MLLT10: variants seen among roughly 807,000 people sequenced by gnomAD.
The protein encoded by MLLT10 is MLLT10 histone lysine methyltransferase DOT1L cofactor, also known as protein AF-10.
A neutral mutation model predicts 129.1 loss-of-function variants in MLLT10; 30 were observed. That is an observed-to-expected ratio of 0.23 (90% CI 0.17 to 0.32). MLLT10 has a LOEUF of 0.32. MLLT10 is among the 10% of genes least tolerant of loss of function. The pLI is 1.00. For missense variants in MLLT10, 1,119 were observed against 1,268.3 expected (o/e 0.88, Z 1.79); for synonymous variants, 490 against 446.4 (o/e 1.10, Z -1.23).
chr10:21,585,582 A>ACGGCAGT (rs1401066035), intron 3 of MLLT10, among the ~76,000 whole-genome samples: 1 of 152,210 alleles, frequency 6.6e-6, no homozygotes, highest in East Asian at 1.9e-4. Flanking sequence ...GACCTACTTG[A>ACGGCAGT]CGGCAGTCGT....
intron 22 of MLLT10, among the ~76,000 whole-genome samples, chr10:21,741,636 G>T (rs1159588698): frequency 6.6e-6 from 1 of 152,162 alleles, no homozygotes; most frequent in Non-Finnish European, 1.5e-5. Flanking sequence ...ATTCTCTACA[G>T]TACCATGTTA....
intron 11 of MLLT10, among the ~76,000 whole-genome samples, chr10:21,678,095 G>GCTTTT (rs202146373): frequency 2.3e-3 from 343 of 152,048 alleles, no homozygotes; most frequent in African/African-American, 5.5e-3. Flanking sequence ...TATTTGTAAA[G>GCTTTT]CTTTTCTTTT....
chr10:21,679,471 G>C (rs1168077097), intron 11 of MLLT10, among the ~76,000 whole-genome samples: 1 of 152,132 alleles, frequency 6.6e-6, no homozygotes, highest in Non-Finnish European at 1.5e-5. Flanking sequence ...TCTGAGAAAA[G>C]TCTGATATTC....
intron 2 of MLLT10, among the ~76,000 whole-genome samples, chr10:21,535,904 T>C (rs2033892088): frequency 1.3e-5 from 2 of 152,254 alleles, no homozygotes; most frequent in South Asian, 4.1e-4. Context: ...GTGTACTTAC[T>C]CTGAGAATGC....
chr10:21,558,556 T>G (rs1393794945), intron 3 of MLLT10, among the ~76,000 whole-genome samples: 1 of 151,954 alleles, frequency 6.6e-6, no homozygotes, highest in Non-Finnish European at 1.5e-5. Flanking sequence ...TTTTTAATTT[T>G]TAATTAAAGA....
chr10:21,604,626 A>G (rs1331606684), intron 5 of MLLT10, among the ~76,000 whole-genome samples: 2 of 152,206 alleles, frequency 1.3e-5, no homozygotes, highest in African/African-American at 4.8e-5. Flanking sequence ...AAGCTGTGAT[A>G]CATAGAAAAC....
At chr10:21,595,548 G>A in intron 5 of MLLT10, 108 bp downstream of exon 5, 14 of 802,274 alleles carry the variant, frequency 1.7e-5, no homozygotes, top group East Asian at 8.2e-5. Context: ...AGGGAGATTT[G>A]GAAAAAAAAT....
At chr10:21,661,576 T>G (rs2050208401) in intron 9 of MLLT10, 1 of 152,240 alleles carries the variant, frequency 6.6e-6, no homozygotes, top group Non-Finnish European at 1.5e-5. Flanking sequence ...GTATTTCTGC[T>G]TTTTGAAAAT....
intron 13 of MLLT10, among the ~76,000 whole-genome samples, chr10:21,701,915 C>T (rs1347413331): frequency 2.0e-5 from 3 of 147,402 alleles, no homozygotes; most frequent in South Asian, 2.2e-4. Context: ...CTTCTCTTCT[C>T]GTCTCGTCTC....
chr10:21,594,617 A>C (rs2042857663), intron 4 of MLLT10, among the ~76,000 whole-genome samples: 1 of 150,350 alleles, frequency 6.7e-6, no homozygotes, highest in East Asian at 2.0e-4. Context: ...GAAATAGGCA[A>C]ATGTTCCCTG....
chr10:21,556,450 T>G (rs1191001128), intron 3 of MLLT10, among the ~76,000 whole-genome samples: 1 of 152,184 alleles, frequency 6.6e-6, no homozygotes, highest in Non-Finnish European at 1.5e-5. Context: ...GCCAGATGGA[T>G]GTTGGAATTT....
rs988570592 is a variant in MLLT10, at chr10:21,552,319, A to G, written c.240+13407A>G. 3.5e-5 allele frequency among the ~76,000 whole-genome samples: 5 copies of G among 140,984 alleles called. No homozygotes were observed. The East Asian group carries it at 8.6e-4, about 24-fold the overall frequency. 92.5% of individuals were successfully genotyped at this position (140,984 alleles called of 152,430 possible). ...CCTCTGTGATTAATATTTGTTCTGT[A>G]TTTCAGCTTTCCTTGTGTTTTTTTT... On this transcript the variant is annotated intron_variant, in intron 3 of 22. Transcript: ENST00000307729.
chr10:21,554,600 C>T (rs1016913111), intron 3 of MLLT10, among the ~76,000 whole-genome samples: 7 of 151,448 alleles, frequency 4.6e-5, no homozygotes, highest in Admixed American at 6.6e-5. Context: ...ATTACAGACA[C>T]GCACCACCAC....
Position 21,601,511 on chromosome 10 carries a change from G to A in MLLT10, c.405+6071G>A, listed in dbSNP as rs115138557. Among the ~76,000 whole-genome samples, 558 of 152,224 alleles carry A rather than the reference G, an allele frequency of 3.7e-3. 5 individuals carry two copies. The highest frequency in any genetic ancestry group is 0.013 in the African/African-American group (524 of 41,532). On this transcript the variant is annotated intron_variant, in intron 5 of 22. Transcript: ENST00000307729. ...TCACTCACCAACATTGCCTATCTCA[G>A]TGCTTTTCTTTTTGTAATATTTATT...
intron 11 of MLLT10, among the ~76,000 whole-genome samples, chr10:21,678,828 A>G (rs1477734983): frequency 6.6e-6 from 1 of 152,148 alleles, no homozygotes; most frequent in Non-Finnish European, 1.5e-5. Flanking sequence ...GGAACTCTTT[A>G]GTTACTCTCT....
intron 8 of MLLT10, among the ~76,000 whole-genome samples, chr10:21,633,323 A>G (rs1028270085): frequency 2.0e-5 from 3 of 152,216 alleles, no homozygotes; most frequent in African/African-American, 7.2e-5. Flanking sequence ...AACACTTATG[A>G]TTTAGAATCA....
chr10:21,607,526 G>A (rs966686206), intron 5 of MLLT10, among the ~76,000 whole-genome samples: 1 of 151,986 alleles, frequency 6.6e-6, no homozygotes, highest in African/African-American at 2.4e-5. Context: ...CTCCATGTTA[G>A]TCAGGCTGGT....
At chr10:21,614,954 G>A (rs1450488124) in intron 7 of MLLT10, 30 bp downstream of exon 7, 46 of 1,524,608 alleles carry the variant, frequency 3.0e-5, no homozygotes, top group Non-Finnish European at 4.0e-5. Context: ...TTAATGAAAT[G>A]ATTATGATTA....
intron 13 of MLLT10, among the ~76,000 whole-genome samples, chr10:21,690,339 C>T (rs975246196): frequency 1.3e-5 from 2 of 151,680 alleles, no homozygotes; most frequent in Non-Finnish European, 2.9e-5. Context: ...GTCAGAAAAC[C>T]CCCCACCAAA....
Sources: allele counts gnomAD v4.1 joint callset (sites outside exome capture counted in the v4.1 genomes callset), GRCh38; gene constraint gnomAD v4.1.1; transcripts MANE v1.5; gene names NCBI Gene and HGNC (gene_info 2026-07-23, HGNC 2026-07-21).